The following FHIT variants were observed in gnomAD, a reference collection of about 807,000 sequenced individuals.
The protein encoded by FHIT is fragile histidine triad diadenosine triphosphatase.
FHIT carries 19 observed loss-of-function variants against 17.9 expected under a neutral mutation model. That is an observed-to-expected ratio of 1.06 (90% CI 0.74 to 1.56). FHIT has a LOEUF of 1.56. Among genes scored for constraint, FHIT ranks in the 40% most tolerant of loss-of-function variants. The probability of loss-of-function intolerance (pLI) is 0.00; values close to 1 mark genes in which losing one functional copy is unlikely to be tolerated. For synonymous variants in FHIT, 81 were observed against 69.7 expected (o/e 1.16, Z -0.81); for missense variants, 248 against 189.2 (o/e 1.31, Z -1.82).
intron 5 of FHIT, among the ~76,000 whole-genome samples, chr3:60,157,277 G>C (rs1472718052): frequency 6.6e-6 from 1 of 152,072 alleles, no homozygotes; most frequent in South Asian, 2.1e-4. Flanking sequence ...CCAAGGATGT[G>C]GGACTCAGAA....
intron 4 of FHIT, among the ~76,000 whole-genome samples, chr3:60,626,534 G>C (rs547269343): frequency 1.3e-5 from 2 of 152,242 alleles, no homozygotes; most frequent in African/African-American, 4.8e-5. Context: ...TAGAGAGAAT[G>C]AGTTTGTGTA....
chr3:60,772,314 CTATATATATATATATA>C (rs61056807), intron 4 of FHIT, among the ~76,000 whole-genome samples: 2,219 of 143,302 alleles, frequency 0.015, 26 homozygotes, highest in African/African-American at 0.02. Flanking sequence ...CACTTCTCAT[CTATATATATATATATA>C]TATATATATA....
chr3:61,097,811 G>A (rs1359836342), intron 2 of FHIT, among the ~76,000 whole-genome samples: 1 of 151,822 alleles, frequency 6.6e-6, no homozygotes, highest in Non-Finnish European at 1.5e-5. Context: ...TTTTTCTCTT[G>A]TAAATTTGTT....
intron 7 of FHIT, among the ~76,000 whole-genome samples, chr3:59,939,632 C>T (rs2107262467): frequency 6.6e-6 from 1 of 152,302 alleles, no homozygotes. Flanking sequence ...ATGAATGTGT[C>T]TTCTAGGCGT....
At chr3:59,970,255 T>A (rs1417617765) in intron 7 of FHIT, among the ~76,000 whole-genome samples, 1 of 152,240 alleles carries the variant, frequency 6.6e-6, no homozygotes, top group African/African-American at 2.4e-5. Flanking sequence ...GGGGAAAATA[T>A]GAGAGCACAA....
intron 3 of FHIT, among the ~76,000 whole-genome samples, chr3:60,823,801 A>C (rs530029094): frequency 4.6e-5 from 7 of 152,284 alleles, no homozygotes; most frequent in Admixed American, 2.0e-4. Flanking sequence ...AGATCAGGAA[A>C]GATCTCACTG....
At chr3:60,428,159 C>A (rs147194655) in intron 5 of FHIT, among the ~76,000 whole-genome samples, 4 of 152,098 alleles carry the variant, frequency 2.6e-5, no homozygotes, top group Admixed American at 2.0e-4. Context: ...CTCTCAAAGT[C>A]CAATACATGT....
chr3:59,988,719 C>G (rs538416230), intron 7 of FHIT, among the ~76,000 whole-genome samples: 30 of 152,046 alleles, frequency 2.0e-4, no homozygotes, highest in Non-Finnish European at 4.0e-4. Flanking sequence ...GGAGCAAACA[C>G]CCGAAGGATC....
intron 7 of FHIT, among the ~76,000 whole-genome samples, chr3:59,947,702 C>A (rs1050443956): frequency 2.0e-5 from 3 of 152,088 alleles, no homozygotes; most frequent in Admixed American, 1.3e-4. Context: ...AGGTTAAGAA[C>A]CTGCTGTGCT....
chr3:60,643,648 T>C (rs2039782525), intron 4 of FHIT, among the ~76,000 whole-genome samples: 1 of 152,184 alleles, frequency 6.6e-6, no homozygotes, highest in Non-Finnish European at 1.5e-5. Flanking sequence ...AGGTTTTAGA[T>C]ATGTCAAAAC....
intron 4 of FHIT, among the ~76,000 whole-genome samples, chr3:60,703,585 A>T (rs569117711): frequency 6.6e-6 from 1 of 152,284 alleles, no homozygotes; most frequent in East Asian, 1.9e-4. Context: ...ACTTCCACAT[A>T]TGAAAATGAA....
intron 2 of FHIT, among the ~76,000 whole-genome samples, chr3:61,167,323 A>G (rs1576138058): frequency 6.6e-6 from 1 of 151,930 alleles, no homozygotes; most frequent in African/African-American, 2.4e-5. Flanking sequence ...ACTGCCAAAA[A>G]CTTGCATATA....
intron 3 of FHIT, among the ~76,000 whole-genome samples, chr3:60,866,528 T>C (rs1207628030): frequency 6.6e-6 from 1 of 152,142 alleles, no homozygotes; most frequent in African/African-American, 2.4e-5. Context: ...AAGTGGATCT[T>C]ACAGCCCCAG....
chr3:59,955,671 G>A (rs868511624), intron 7 of FHIT, among the ~76,000 whole-genome samples: 1 of 152,122 alleles, frequency 6.6e-6, no homozygotes, highest in Non-Finnish European at 1.5e-5. Flanking sequence ...TTCCTCACCT[G>A]CTTAAATGGT....
At chr3:60,149,985 C>CTTTTTTTTTTTTT in intron 5 of FHIT, among the ~76,000 whole-genome samples, 1 of 50,934 alleles carries the variant, frequency 2.0e-5, no homozygotes, top group Non-Finnish European at 3.9e-5. Flanking sequence ...AACCTTTAAG[C>CTTTTTTTTTTTTT]CTTTTTTTTT....
At chr3:60,027,148 C>CACACACACACAAAAAA (rs1553654525) in intron 5 of FHIT, among the ~76,000 whole-genome samples, 1 of 125,748 alleles carries the variant, frequency 8.0e-6, no homozygotes, top group African/African-American at 2.7e-5. Context: ...CACACACACA[C>CACACACACACAAAAAA]AAAATTAGTA....
intron 5 of FHIT, among the ~76,000 whole-genome samples, chr3:60,149,154 T>C (rs2107323696): frequency 6.6e-6 from 1 of 152,302 alleles, no homozygotes. Flanking sequence ...TGTCAGAAAT[T>C]AAATATAGGT....
intron 5 of FHIT, among the ~76,000 whole-genome samples, chr3:60,146,173 T>A (rs76934224): frequency 0.012 from 1,829 of 151,512 alleles, 40 homozygotes; most frequent in African/African-American, 0.042. Flanking sequence ...TTTGCTCACA[T>A]GACAAGAAGC....
intron 5 of FHIT, among the ~76,000 whole-genome samples, chr3:60,342,349 T>A (rs193040633): frequency 6.6e-6 from 1 of 152,358 alleles, no homozygotes; most frequent in Admixed American, 6.5e-5. Context: ...GGTTCCATAG[T>A]GTGGCAGATA....
Sources: gnomAD v4.1 joint callset for allele counts (sites outside exome capture counted in the v4.1 genomes callset) on GRCh38, gnomAD v4.1.1 for gene constraint, MANE v1.5 for transcripts, NCBI Gene and HGNC (gene_info 2026-07-23, HGNC 2026-07-21) for gene names.